Variants in ITGB5 observed in about 807,000 individuals in gnomAD.
ITGB5 encodes the protein integrin beta-5.
In ITGB5, 38 loss-of-function variants were observed where a neutral mutation model predicts 84.8. The observed-to-expected ratio is 0.45, with a 90% CI of 0.35 to 0.59. ITGB5 has a LOEUF of 0.59. Among genes scored for constraint, ITGB5 ranks in the 20% least tolerant of loss-of-function variants. ITGB5 has a pLI of 0.01. For missense variants in ITGB5, 905 were observed against 1,034.5 expected (o/e 0.87, Z 1.72); for synonymous variants, 393 against 414.4 (o/e 0.95, Z 0.63).
intron 1 of ITGB5, among the ~76,000 whole-genome samples, chr3:124,874,225 G>A (rs1934194767): frequency 6.7e-6 from 1 of 149,652 alleles, no homozygotes; most frequent in Non-Finnish European, 1.5e-5. Context: ...TTCACCAGGT[G>A]TGGTAGTGTG....
rs116808549 is a variant in ITGB5 at position 124,811,494 on chromosome 3, G to A, written c.1129-2338C>T. 1.8e-3 allele frequency among the ~76,000 whole-genome samples: 278 copies of A among 152,272 alleles called. 1 individual carries two copies. The highest frequency in any genetic ancestry group is 6.3e-3 in the African/African-American group (262 of 41,522). ...ACTTGGGAACGATAACTTGAAATATGGGGGCCCTGTCGTTCACAAATAAAA... is the reference window on the plus strand; with the variant it reads ...ACTTGGGAACGATAACTTGAAATATAGGGGCCCTGTCGTTCACAAATAAAA... On this transcript the variant is annotated intron_variant, in intron 8 of 14. Coordinates refer to ENST00000296181, the MANE Select transcript of ITGB5 (RefSeq NM_002213.5).
chr3:124,807,620 G>A (rs765103961), intron 9 of ITGB5, among the ~76,000 whole-genome samples: 7 of 151,876 alleles, frequency 4.6e-5, no homozygotes, highest in African/African-American at 9.7e-5. Flanking sequence ...TTGGGGGAGC[G>A]AGGCACTGCA....
At chr3:124,785,602 C>T (rs2150953793) in intron 10 of ITGB5, among the ~76,000 whole-genome samples, 1 of 149,784 alleles carries the variant, frequency 6.7e-6, no homozygotes, top group Non-Finnish European at 1.5e-5. Context: ...AAAAAAAAAC[C>T]CCAAAAAAAC....
chr3:124,894,128 A>ATTTTTTTTTT (rs1464038480), intron 1 of ITGB5, among the ~76,000 whole-genome samples: 179 of 61,692 alleles, frequency 2.9e-3, no homozygotes, highest in East Asian at 4.4e-3. Context: ...AAGTTGTGAT[A>ATTTTTTTTTT]TTTTTCTTTT....
At chr3:124,800,679 G>C (rs952872184) in intron 9 of ITGB5, among the ~76,000 whole-genome samples, 26 of 152,230 alleles carry the variant, frequency 1.7e-4, no homozygotes, top group Admixed American at 1.5e-3. Context: ...CACGGGAAGT[G>C]CTATAAAAAG....
intron 5 of ITGB5, among the ~76,000 whole-genome samples, chr3:124,831,482 GC>G (rs937096993): frequency 5.3e-5 from 8 of 152,174 alleles, no homozygotes; most frequent in Non-Finnish European, 8.8e-5. Context: ...ATTCAAGGAC[GC>G]CCCGTGGGAA....
At chr3:124,809,296 C>A (rs896308455) in intron 8 of ITGB5, 140 bp from the exon 9 acceptor site, 1 of 760,920 alleles carries the variant, frequency 1.3e-6, no homozygotes. Context: ...GAGCTTGGTT[C>A]CCTGGCCCTC....
chr3:124,798,735 C>T (rs962066653), intron 9 of ITGB5, among the ~76,000 whole-genome samples: 1 of 152,240 alleles, frequency 6.6e-6, no homozygotes, highest in Admixed American at 6.5e-5. Context: ...CCACGATGTT[C>T]ATTTTTTGAG....
At chr3:124,817,562 G>A (rs900979172) in intron 8 of ITGB5, 59 bp downstream of exon 8, 9 of 900,854 alleles carry the variant, frequency 1.0e-5, no homozygotes, top group Admixed American at 7.3e-5. Context: ...GCAGCTGCAG[G>A]GCCTCAGTGG....
intron 1 of ITGB5, among the ~76,000 whole-genome samples, chr3:124,900,834 C>T (rs750021820): frequency 2.0e-5 from 3 of 152,060 alleles, no homozygotes; most frequent in Admixed American, 2.0e-4. Context: ...GTACAATCAC[C>T]GCTAAATAAA....
Position 124,796,737 on chromosome 3 carries a change from T to C in ITGB5, c.1344A>G (p.Gly448=). The C allele has an allele frequency of 6.2e-7, 1 of 1,614,118 alleles. No individual in the cohort carries two copies. Among genetic ancestry groups the C allele is most frequent in the Non-Finnish European group, 8.5e-7 (1 of 1,180,038 alleles). Residue 448 remains glycine (G), a synonymous_variant, in exon 10 of 15, where the codon GGA becomes GGG. Coordinates refer to ENST00000296181, the MANE Select transcript of ITGB5 (RefSeq NM_002213.5). ...TEHVFALRPV[G]FRDSLEVGVT... is the part of the protein sequence containing the mutation. Reference sequence around the variant, plus strand: ...CCCCCACCTCCAGGCTGTCCCGGAATCCCACCGGCCGCAGGGCAAACACAT... The same window carrying C: ...CCCCCACCTCCAGGCTGTCCCGGAACCCCACCGGCCGCAGGGCAAACACAT...
chr3:124,821,619 C>A (rs2064705454), intron 5 of ITGB5, 145 bp from the exon 6 acceptor site: 3 of 872,006 alleles, frequency 3.4e-6, no homozygotes, highest in Admixed American at 4.2e-5. Context: ...ACTCACAAAA[C>A]CACTGGGGAG....
At chr3:124,876,342 A>G (rs562156590) in intron 1 of ITGB5, among the ~76,000 whole-genome samples, 55 of 151,690 alleles carry the variant, frequency 3.6e-4, no homozygotes, top group Non-Finnish European at 7.2e-4. Flanking sequence ...AAGAGAAGAA[A>G]TGCCAAAATA....
intron 9 of ITGB5, among the ~76,000 whole-genome samples, chr3:124,808,019 G>A (rs1423304328): frequency 6.9e-6 from 1 of 144,252 alleles, no homozygotes; most frequent in Non-Finnish European, 1.5e-5. Context: ...TGAGGGACAA[G>A]TGTGAAGGCA....
At chr3:124,800,344 C>T (rs557087932) in intron 9 of ITGB5, among the ~76,000 whole-genome samples, 1 of 152,296 alleles carries the variant, frequency 6.6e-6, no homozygotes, top group South Asian at 2.1e-4. Flanking sequence ...TGGAAACTTG[C>T]CTGCCTTGGG....
intron 3 of ITGB5, among the ~76,000 whole-genome samples, chr3:124,849,266 AATGTG>A (rs2065120144): frequency 1.3e-5 from 2 of 152,280 alleles, no homozygotes; most frequent in South Asian, 2.1e-4. Flanking sequence ...TCACGATGGG[AATGTG>A]CGTTTGAAAC....
chr3:124,865,058 A>G (rs758542836), intron 2 of ITGB5, among the ~76,000 whole-genome samples: 1 of 152,222 alleles, frequency 6.6e-6, no homozygotes, highest in South Asian at 2.1e-4. Flanking sequence ...GCCACTGCCA[A>G]GTTCTGCAGC....
chr3:124,853,937 T>A (rs2065190650), intron 3 of ITGB5, among the ~76,000 whole-genome samples: 1 of 152,226 alleles, frequency 6.6e-6, no homozygotes, highest in Admixed American at 6.5e-5. Context: ...AGGCCAATAA[T>A]GACTTTAATA....
At chr3:124,833,425 C>T (rs2064885880) in intron 5 of ITGB5, among the ~76,000 whole-genome samples, 1 of 152,130 alleles carries the variant, frequency 6.6e-6, no homozygotes, top group Non-Finnish European at 1.5e-5. Context: ...TTTTATTTCC[C>T]TTCTAATGGA....
Sources: gnomAD v4.1 joint callset for allele counts (sites outside exome capture counted in the v4.1 genomes callset) on GRCh38, gnomAD v4.1.1 for gene constraint, MANE v1.5 for transcripts, NCBI Gene and HGNC (gene_info 2026-07-23, HGNC 2026-07-21) for gene names.